Variants in FAM186A observed in about 807,000 individuals in gnomAD.
FAM186A encodes family with sequence similarity 186 member A, also known as protein FAM186A.
FAM186A carries 163 observed loss-of-function variants against 216.8 expected under a neutral mutation model. The ratio of observed to expected loss-of-function variants is 0.75; its 90% confidence interval spans 0.66 to 0.86. The LOEUF is 0.86. Ranked by LOEUF, FAM186A falls within the 40% of genes least tolerant of loss-of-function variation. FAM186A has a pLI of 0.00. For synonymous variants in FAM186A, 805 were observed against 1,025.3 expected (o/e 0.79, Z 4.10); for missense variants, 2,184 against 2,746.2 (o/e 0.80, Z 4.58).
Position 50,350,705 on chromosome 12 carries a change from G to T in FAM186A, c.6127C>A (p.Pro2043Thr). 2 of 1,551,612 alleles carry T rather than the reference G, an allele frequency of 1.3e-6. No individual in the cohort carries two copies. Among genetic ancestry groups the T allele is most frequent in the South Asian group, 2.4e-5 (2 of 84,056 alleles). Residue 2043 changes from proline (P) to threonine (T), a missense_variant, in exon 4 of 8, where the codon CCA becomes ACA. Around this residue, in one of 7 missense-constraint regions of FAM186A, gnomAD observed 721 missense variants for 816.4 expected, o/e 0.88. Coordinates refer to ENST00000327337, the MANE Select transcript of FAM186A (RefSeq NM_001145475.3). ...GTGAGAGAAGATGGTGATGTTGTTG[G>T]CTTCATGAGAGTGAGAAGGGCCCTT... ...DERALLTLMK[P>T]TTSPSSLTTL...
chr12:50,344,932 T>C (rs903288941), intron 4 of FAM186A, among the ~76,000 whole-genome samples: 1 of 152,124 alleles, frequency 6.6e-6, no homozygotes, highest in African/African-American at 2.4e-5. Flanking sequence ...ATCATTGCCC[T>C]GGACAAGAGA....
At chr12:50,338,633 G>A (rs939799171) in intron 4 of FAM186A, among the ~76,000 whole-genome samples, 1 of 152,086 alleles carries the variant, frequency 6.6e-6, no homozygotes, top group African/African-American at 2.4e-5. Flanking sequence ...AGCATGATTA[G>A]GATTTAAATA....
chr12:50,380,406 T>A (rs560404993), intron 1 of FAM186A, among the ~76,000 whole-genome samples: 1 of 151,190 alleles, frequency 6.6e-6, no homozygotes, highest in South Asian at 2.1e-4. Flanking sequence ...TCGGGTGCGG[T>A]GGCTCACGTC....
At chr12:50,335,660 G>A (rs917447479) in intron 4 of FAM186A, among the ~76,000 whole-genome samples, 11 of 150,320 alleles carry the variant, frequency 7.3e-5, no homozygotes, top group Non-Finnish European at 1.3e-4. Context: ...AAAAAAAAAT[G>A]ACACATAGAA....
rs1262179175 is a variant in FAM186A at position 50,363,172 on chromosome 12, T to C, written c.385A>G (p.Asn129Asp). The stretch of plus-strand genomic sequence containing the variant: ...CATTCTTCCAACCAGGCCAGAATGT[T>C]GGCAAGAGTCTTTTCTCTTATTTCA... ...TIEIREKTLA[N>D]ILAWLEEWND... Residue 129 changes from asparagine (N) to aspartate (D), a missense_variant, in exon 2 of 8, where the codon AAC becomes GAC. Asn to Asp is a conservative substitution (Grantham distance 23, BLOSUM62 1). Coordinates refer to ENST00000327337, the MANE Select transcript of FAM186A (RefSeq NM_001145475.3). 12 of 1,550,656 alleles carry C rather than the reference T, an allele frequency of 7.7e-6. No homozygotes were observed. Among genetic ancestry groups the C allele is most frequent in the South Asian group, 1.2e-5 (1 of 83,958 alleles).
chr12:50,372,978 G>A (rs1181604927), intron 1 of FAM186A, among the ~76,000 whole-genome samples: 1 of 92,660 alleles, frequency 1.1e-5, no homozygotes, highest in Admixed American at 1.3e-4. Context: ...GAGGGACGGA[G>A]GGAGGAAGGA....
At chr12:50,346,719 C>T (rs1169985160) in intron 4 of FAM186A, among the ~76,000 whole-genome samples, 2 of 151,892 alleles carry the variant, frequency 1.3e-5, no homozygotes, top group Non-Finnish European at 1.5e-5. Context: ...TGGTGGTGGG[C>T]GCCTGTAGTC....
At chr12:50,385,391 C>G (rs1383989100) in intron 1 of FAM186A, among the ~76,000 whole-genome samples, 4 of 142,554 alleles carry the variant, frequency 2.8e-5, no homozygotes. Context: ...GCACTCCAGC[C>G]TGGGCGACAG....
intron 1 of FAM186A, among the ~76,000 whole-genome samples, chr12:50,393,393 C>T (rs1016147785): frequency 6.6e-6 from 1 of 151,318 alleles, no homozygotes; most frequent in Admixed American, 6.6e-5. Flanking sequence ...AAAAATCAAC[C>T]GGGCATGACG....
At position 50,355,056 on chromosome 12, in the gene FAM186A, G is replaced by T. The variant is rs893339745; in HGVS notation, c.1776C>A (p.Ile592=). ...GTGGCTCAGCAGTATCATCAAATTGGATCATACTGAGTGGCTCCACTAGGC... is the reference window on the plus strand; with the variant it reads ...GTGGCTCAGCAGTATCATCAAATTGTATCATACTGAGTGGCTCCACTAGGC... ...IRSLVEPLSM[I]QFDDTAEPQK... is the part of the protein sequence containing the mutation. Residue 592 remains isoleucine, a synonymous_variant, in exon 4 of 8, where the codon ATC becomes ATA. Transcript: ENST00000327337. 1 of 1,551,464 alleles carries T rather than the reference G, an allele frequency of 6.4e-7. No individual in the cohort carries two copies. Among genetic ancestry groups the T allele is most frequent in the Admixed American group, 2.0e-5 (1 of 50,974 alleles).
intron 1 of FAM186A, among the ~76,000 whole-genome samples, chr12:50,396,009 C>T (rs1448403800): frequency 2.6e-5 from 4 of 152,020 alleles, no homozygotes; most frequent in East Asian, 1.9e-4. Flanking sequence ...GTGATCCGCC[C>T]GCCTCGGCCT....
At chr12:50,380,839 A>G (rs1382273222) in intron 1 of FAM186A, among the ~76,000 whole-genome samples, 1 of 152,198 alleles carries the variant, frequency 6.6e-6, no homozygotes, top group Non-Finnish European at 1.5e-5. Context: ...CACTCAGCTC[A>G]TGCTACTGGC....
Position 50,350,553 on chromosome 12 carries a change from G to A in FAM186A, c.6279C>T (p.Pro2093=), listed in dbSNP as rs1369122153. The change falls in exon 4 of 8, where the codon CCC becomes CCT. Residue 2093 remains proline, a synonymous_variant. Transcript: ENST00000327337. ...CTTCAAGTTCTTGAGGAGAGGAAGG[G>A]GGCACCATTACTTTGGGTTTCTTGG... ...SDTKKPKVMV[P]PSSPQELEEK... 9 of 1,551,580 alleles carry A rather than the reference G, an allele frequency of 5.8e-6. No homozygotes were observed. Among genetic ancestry groups the A allele is most frequent in the South Asian group, 1.2e-5 (1 of 84,056 alleles).
At position 50,353,950 on chromosome 12, in the gene FAM186A, C is replaced by T. The variant is rs1377278464; in HGVS notation, c.2882G>A (p.Arg961Lys). 6 of 1,553,664 alleles carry T rather than the reference C, an allele frequency of 3.9e-6. No homozygotes were observed. Among genetic ancestry groups the T allele is most frequent in the Non-Finnish European group, 5.2e-6 (6 of 1,148,200 alleles). ...CTGCTTTTCCTTCCCTTTCTCCCTT[C>T]TCCTGTGTGGCCCCAAATGTTTCGC... ...KEAKHLGPHR[R>K]REKGKEKQKP... The change falls in exon 4 of 8, where the codon AGA becomes AAA. Residue 961 changes from arginine (R) to lysine (K), a missense_variant. Coordinates refer to ENST00000327337, the MANE Select transcript of FAM186A (RefSeq NM_001145475.3).
At chr12:50,360,300 A>G (rs1943020556) in intron 3 of FAM186A, among the ~76,000 whole-genome samples, 1 of 151,706 alleles carries the variant, frequency 6.6e-6, no homozygotes. Flanking sequence ...ATAAAATTAG[A>G]TTGTGGTGAT....
intron 2 of FAM186A, among the ~76,000 whole-genome samples, chr12:50,362,669 G>A (rs1442939729): frequency 1.3e-5 from 2 of 149,864 alleles, no homozygotes; most frequent in East Asian, 2.0e-4. Flanking sequence ...GCTTGAGCCT[G>A]GGAGGCGGGA....
chr12:50,360,971 ATAAC>A (rs976780398), intron 2 of FAM186A, 45 bp from the exon 3 acceptor site: 1 of 1,427,948 alleles, frequency 7.0e-7, no homozygotes, highest in Non-Finnish European at 9.5e-7. Flanking sequence ...AGAAAAATAA[ATAAC>A]TATAGCTACA....
chr12:50,349,352 A>G (rs145649996), intron 4 of FAM186A, among the ~76,000 whole-genome samples: 2 of 151,950 alleles, frequency 1.3e-5, no homozygotes, highest in East Asian at 3.9e-4. Context: ...AGCTGGGACT[A>G]CAGGCATGCA....
intron 4 of FAM186A, among the ~76,000 whole-genome samples, chr12:50,348,938 T>G (rs190858816): frequency 3.0e-4 from 46 of 152,246 alleles, no homozygotes; most frequent in Admixed American, 7.9e-4. Flanking sequence ...GTACAGGAGA[T>G]GTTTTGATAC....
Sources: allele counts gnomAD v4.1 joint callset (sites outside exome capture counted in the v4.1 genomes callset), GRCh38; gene constraint gnomAD v4.1.1; regional missense constraint gnomAD v4.1.1; transcripts MANE v1.5; gene names NCBI Gene and HGNC (gene_info 2026-07-23, HGNC 2026-07-21).